YIF1B: variants seen among roughly 807,000 people sequenced by gnomAD.
The protein encoded by YIF1B is Yip1 interacting factor homolog B, membrane trafficking protein, also known as protein YIF1B.
YIF1B carries 24 observed loss-of-function variants against 34.6 expected under a neutral mutation model. The ratio of observed to expected loss-of-function variants is 0.69; its 90% CI spans 0.50 to 0.98. YIF1B has a LOEUF of 0.98. YIF1B is among the 50% of genes least tolerant of loss of function. YIF1B has a pLI of 0.00. For missense variants in YIF1B, 368 were observed against 429.4 expected, an observed-to-expected ratio of 0.86 and a Z score of 1.26; for synonymous variants, 186 against 184.8, an observed-to-expected ratio of 1.01 and a Z score of -0.05.
rs971441552 is a variant in YIF1B at position 38,303,900 on chromosome 19, G to A, written c.*1452C>T. Among the ~76,000 whole-genome samples, 2 of 152,256 alleles carry A rather than the reference G, an allele frequency of 1.3e-5. No individual in the cohort carries two copies. Among genetic ancestry groups the A allele is most frequent in the African/African-American group, 4.8e-5 (2 of 41,474 alleles). ...GCCCTGCGTGTTAAAGCGCCGCGGA[G>A]GAAGCTGTATTGTCGCGGTACGCAG... is the stretch of plus-strand genomic sequence containing the variant. On this transcript the variant is annotated 3_prime_UTR_variant, in exon 8 of 8. Coordinates refer to ENST00000339413, the MANE Select transcript of YIF1B (RefSeq NM_001039672.3).
At chr19:38,320,313 TC>T, upstream of YIF1B, 1 of 1,597,818 alleles carries the variant, frequency 6.3e-7, no homozygotes, top group Non-Finnish European at 8.5e-7. Context: ...GGACCCGGGA[TC>T]CCCACTTCAT....
At position 38,303,762 on chromosome 19, in the gene YIF1B, A is replaced by T. The variant is rs1968861784; in HGVS notation, c.*1590T>A. Among the ~76,000 whole-genome samples the T allele has an allele frequency of 1.3e-5, 2 of 152,218 alleles. No homozygotes were observed. The highest frequency in any genetic ancestry group is 1.3e-4 in the Admixed American group (2 of 15,270). ...CTTGCTGCTAAGTGACACAGCTGGC[A>T]TCTAGTGCAGCAGGCTGGCTCCAAG... On this transcript the variant is annotated 3_prime_UTR_variant, in exon 8 of 8. Transcript: ENST00000339413.
At chr19:38,312,405 GC>G (rs1278855397) in intron 1 of YIF1B, among the ~76,000 whole-genome samples, 1 of 151,884 alleles carries the variant, frequency 6.6e-6, no homozygotes, top group East Asian at 1.9e-4. Flanking sequence ...ACACAGCAAG[GC>G]CCTCTTTAAA....
rs2146304455 is a variant in YIF1B, at chr19:38,309,529, C to T, written c.173G>A (p.Gly58Asp). 6.2e-7 allele frequency: 1 copy of T among 1,607,474 alleles called. No homozygotes were observed. The highest frequency in any genetic ancestry group is 2.2e-5 in the East Asian group (1 of 44,666). Residue 58 changes from glycine (G) to aspartate (D), a missense_variant, in exon 2 of 8, where the codon GGC becomes GAC. Gly to Asp is a moderately conservative substitution (Grantham distance 94). Coordinates refer to ENST00000339413, the MANE Select transcript of YIF1B (RefSeq NM_001039672.3). ...GGGAGAGGCTGCAGGATAACTCAGG[C>T]CACCAGGTGCCCGCTGGGCCCCATA... ...RGYGAQRAPG[G>D]LSYPAASPTP...
upstream of YIF1B, among the ~76,000 whole-genome samples, chr19:38,320,760 T>C (rs1969642639): frequency 6.6e-6 from 1 of 152,086 alleles, no homozygotes; most frequent in South Asian, 2.1e-4. Context: ...AGTTTCACCA[T>C]GTTGGCCAGG....
intron 1 of YIF1B, among the ~76,000 whole-genome samples, chr19:38,313,735 T>C (rs528323287): frequency 7.9e-5 from 12 of 152,374 alleles, no homozygotes; most frequent in African/African-American, 2.6e-4. Flanking sequence ...CACATGGCCT[T>C]TCAGGCCCCG....
At chr19:38,317,081 T>C (rs1361246676), upstream of YIF1B, 1 of 152,256 alleles carries the variant, frequency 6.6e-6, no homozygotes. Context: ...TGTTCTCACA[T>C]TGCAACCTGG....
At chr19:38,316,063 T>A (rs1366938941), upstream of YIF1B, 52 of 1,055,856 alleles carry the variant, frequency 4.9e-5, no homozygotes, top group South Asian at 5.3e-4. Flanking sequence ...AGCCCCCCCC[T>A]TCACGGAGGC....
In YIF1B at chr19:38,308,829, C is replaced by T. The variant is rs760472204; in HGVS notation, c.502G>A (p.Val168Ile). Residue 168 changes from valine to isoleucine, a missense_variant, in exon 5 of 8, where the codon GTT (valine) becomes ATT (isoleucine). Val to Ile is a conservative substitution (Grantham distance 29). Coordinates refer to ENST00000339413, the MANE Select transcript of YIF1B (RefSeq NM_001039672.3). Reference protein sequence around the residue: ...YIPAMAFITYVLVAGLALGTQ... With the variant: ...YIPAMAFITYILVAGLALGTQ... ...CCCAGCGCAAGACCAGCCACCAAAA[C>T]GTAGGTGATGAAAGCCATTGCTGTG... 7.4e-6 allele frequency: 12 copies of T among 1,613,844 alleles called. No homozygotes were observed. Among genetic ancestry groups the T allele is most frequent in the South Asian group, 3.3e-5 (3 of 91,088 alleles).
At chr19:38,315,702 C>CA in intron 1 of YIF1B, 158 bp downstream of exon 1, 5 of 1,607,778 alleles carry the variant, frequency 3.1e-6, no homozygotes, top group Non-Finnish European at 4.2e-6. Flanking sequence ...AATCGCCCCC[C>CA]AAGGGGCCTC....
chr19:38,309,545 G>T lies in YIF1B; in HGVS notation c.157C>A (p.Gln53Lys). ...TAACTCAGGCCACCAGGTGCCCGCT[G>T]GGCCCCATAGCCCCGGCTCTGGGCT... is the stretch of plus-strand genomic sequence containing the variant. ...SSAQSRGYGAQRAPGGLSYPA... is the reference protein window; with the variant it reads ...SSAQSRGYGAKRAPGGLSYPA... The change falls in exon 2 of 8, where the codon CAG (glutamine) becomes AAG (lysine). Residue 53 changes from glutamine to lysine, a missense_variant. By Grantham distance (53) the Gln-to-Lys change is moderately conservative (BLOSUM62 1). Transcript: ENST00000339413. 6.2e-7 allele frequency: 1 copy of T among 1,604,094 alleles called. No homozygotes were observed. Among genetic ancestry groups the T allele is most frequent in the Non-Finnish European group, 8.5e-7 (1 of 1,175,770 alleles).
Position 38,309,420 on chromosome 19 carries a change from C to T in YIF1B, c.282G>A (p.Glu94=). 6.2e-7 allele frequency: 1 copy of T among 1,613,216 alleles called. No homozygotes were observed. The highest frequency in any genetic ancestry group is 8.5e-7 in the Non-Finnish European group (1 of 1,179,372). The part of the protein sequence containing the change: ...YGSSLAAQGK[E]LVDKNIDRFI... ...GCCCACTCACGTTCTTATCCACCAGCTCCTTGCCCTGCGCGGCCAGGCTGC... is the reference window on the plus strand; with the variant it reads ...GCCCACTCACGTTCTTATCCACCAGTTCCTTGCCCTGCGCGGCCAGGCTGC... Residue 94 remains glutamate (E), a synonymous_variant, in exon 2 of 8, where the codon GAG becomes GAA. Transcript: ENST00000339413.
At chr19:38,314,724 A>T (rs1969474678) in intron 1 of YIF1B, among the ~76,000 whole-genome samples, 1 of 143,778 alleles carries the variant, frequency 7.0e-6, no homozygotes, top group Non-Finnish European at 1.5e-5. Context: ...AGTGATTCTC[A>T]AGCCTCAGAC....
In YIF1B at chr19:38,304,950, G is replaced by A. The variant is rs199853866; in HGVS notation, c.*402C>T. 1.3e-5 allele frequency: 19 copies of A among 1,492,300 alleles called. No homozygotes were observed. The East Asian group carries it at 1.4e-4, about 11-fold the overall frequency. The allele number at this position is 1,492,300 out of a possible 1,614,324, so 92.4% of individuals were successfully genotyped here. Reference sequence around the variant, plus strand: ...CAAGAAGGAGAAGGGCAAGAAGAAGGAGGCTCCCCACTGAAGGGCCCTGGA... The same window carrying A: ...CAAGAAGGAGAAGGGCAAGAAGAAGAAGGCTCCCCACTGAAGGGCCCTGGA... On this transcript the variant is annotated 3_prime_UTR_variant, in exon 8 of 8. Transcript: ENST00000339413.
chr19:38,314,955 T>C (rs902160168), intron 1 of YIF1B, among the ~76,000 whole-genome samples: 2 of 151,890 alleles, frequency 1.3e-5, no homozygotes, highest in Non-Finnish European at 2.9e-5. Context: ...TAACTTTTCA[T>C]GATCAGAATT....
chr19:38,316,828 T>TA (rs1969568109), upstream of YIF1B, among the ~76,000 whole-genome samples: 1 of 152,110 alleles, frequency 6.6e-6, no homozygotes, highest in East Asian at 1.9e-4. Context: ...GCCCAGCTAA[T>TA]TTTTAAATTT....
Position 38,304,355 on chromosome 19 carries a change from C to T in YIF1B, c.*997G>A, listed in dbSNP as rs1968887865. On this transcript the variant is annotated 3_prime_UTR_variant, in exon 8 of 8. Transcript: ENST00000339413. ...AAGCCCAGAAGCTGCCTGCACCAAC[C>T]ACCCAACTTCTCTCCACAGCCCTGG... is the stretch of plus-strand genomic sequence containing the variant. 5.6e-6 allele frequency: 9 copies of T among 1,604,868 alleles called. No individual in the cohort carries two copies. In the South Asian group the frequency reaches 6.7e-5, roughly 12 times the overall value.
At chr19:38,307,179 A>T (rs1462640430) in intron 7 of YIF1B, 1 of 546,854 alleles carries the variant, frequency 1.8e-6, no homozygotes. Context: ...GTGAGAGCCC[A>T]GCCTGGAGCC....
At position 38,315,898 on chromosome 19, in the gene YIF1B, G is replaced by T; in HGVS notation, c.20C>A (p.Ala7Glu). The T allele has an allele frequency of 1.4e-6, 2 of 1,480,194 alleles. No individual in the cohort carries two copies. The highest frequency in any genetic ancestry group is 1.3e-5 in the South Asian group (1 of 77,534). 91.7% of individuals were successfully genotyped at this position (1,480,194 alleles called of 1,614,324 possible). Reference protein sequence around the residue: MHPAGLAAAAAGTPRLR... With the variant: MHPAGLEAAAAGTPRLR... ...CCGGGGCGTCCCCGCAGCCGCCGCC[G>T]CCAAGCCTGCCGGGTGCATCCTTCG... The change falls in exon 1 of 8, where the codon GCG becomes GAG. Residue 7 changes from alanine (A) to glutamate (E), a missense_variant. This residue lies in a region of YIF1B where 153 missense variants were observed against 156.7 expected (regional missense o/e 0.98). Coordinates refer to ENST00000339413, the MANE Select transcript of YIF1B (RefSeq NM_001039672.3).
Sources: allele counts gnomAD v4.1 joint callset (sites outside exome capture counted in the v4.1 genomes callset), GRCh38; gene constraint gnomAD v4.1.1; regional missense constraint gnomAD v4.1.1; transcripts MANE v1.5; gene names NCBI Gene and HGNC (gene_info 2026-07-23, HGNC 2026-07-21).